DNM1L: variants seen among roughly 807,000 people sequenced by gnomAD.
The protein encoded by DNM1L is dynamin 1L.
Under a neutral mutation model 92.8 loss-of-function variants are expected in DNM1L, and 33 were observed. The observed-to-expected ratio is 0.36, with a 90% confidence interval of 0.27 to 0.48. DNM1L has a LOEUF of 0.48. Among genes scored for constraint, DNM1L ranks in the 20% least tolerant of loss-of-function variants. DNM1L has a pLI of 0.99. For missense variants in DNM1L, 485 were observed against 888.8 expected (o/e 0.55, Z 5.78); for synonymous variants, 284 against 305.0 (o/e 0.93, Z 0.72).
At chr12:32,729,581 C>CT (rs1218292081) in intron 9 of DNM1L, among the ~76,000 whole-genome samples, 5 of 152,122 alleles carry the variant, frequency 3.3e-5, no homozygotes, top group Non-Finnish European at 7.3e-5. Flanking sequence ...TCCTGAGTAG[C>CT]TGGGACTACA....
chr12:32,728,638 T>C (rs565711463), intron 9 of DNM1L: 1 of 152,306 alleles, frequency 6.6e-6, no homozygotes, highest in Non-Finnish European at 1.5e-5. Flanking sequence ...TGAATTGGGC[T>C]CTGAATAGAA....
rs140960064 is a variant in DNM1L at position 32,732,756 on chromosome 12, C to T, written c.1446+813C>T. On this transcript the variant is annotated intron_variant, in intron 12 of 19. Coordinates refer to ENST00000549701, the MANE Select transcript of DNM1L (RefSeq NM_012062.5). ...TGGACTGATAAGTGCTGTTCTGATA[C>T]CTGAGATTTGTTAGGACAGCACATA... 2.8e-3 allele frequency: 969 copies of T among 344,272 alleles called. 16 individuals are homozygous for T. The highest frequency in any genetic ancestry group is 5.1e-3 in the Middle Eastern group (12 of 2,354). 21.3% of individuals were successfully genotyped at this position (344,272 alleles called of 1,614,324 possible).
intron 19 of DNM1L, 29 bp from the exon 20 acceptor site, chr12:32,743,324 GC>G: frequency 5.6e-6 from 9 of 1,599,336 alleles, no homozygotes; most frequent in Non-Finnish European, 7.7e-6. Flanking sequence ...TTTATAATAA[GC>G]ATTTAAAATT....
intron 2 of DNM1L, chr12:32,706,200 A>G (rs1015538339): frequency 3.9e-5 from 8 of 204,258 alleles, no homozygotes; most frequent in African/African-American, 1.4e-4. Context: ...CAGTCCTCCA[A>G]TGAGACTTCT....
At chr12:32,719,416 G>A (rs1326932413) in intron 7 of DNM1L, among the ~76,000 whole-genome samples, 1 of 152,220 alleles carries the variant, frequency 6.6e-6, no homozygotes, top group Non-Finnish European at 1.5e-5. Flanking sequence ...TCGAGAAAGA[G>A]TTTAAGGTGG....
chr12:32,708,591 G>A (rs1325718205), intron 4 of DNM1L, among the ~76,000 whole-genome samples: 1 of 151,840 alleles, frequency 6.6e-6, no homozygotes, highest in Non-Finnish European at 1.5e-5. Context: ...AGGAAGCATT[G>A]TTTCACTTAT....
At position 32,730,478 on chromosome 12, in the gene DNM1L, G is replaced by A. The variant is rs548724278; in HGVS notation, c.1080-536G>A. Among the ~76,000 whole-genome samples the A allele has an allele frequency of 1.2e-4, 18 of 152,362 alleles. 1 individual carries two copies. The South Asian group carries it at 2.5e-3, about 21-fold the overall frequency. On this transcript the variant is annotated intron_variant, in intron 9 of 19. Coordinates refer to ENST00000549701, the MANE Select transcript of DNM1L (RefSeq NM_012062.5). ...AGCACTTTGGGAGGTCAAGGCGGGCGGATCACTTGAGGTCAGGAGTTTGAG... is the reference window on the plus strand; with the variant it reads ...AGCACTTTGGGAGGTCAAGGCGGGCAGATCACTTGAGGTCAGGAGTTTGAG...
chr12:32,696,785 C>T (rs1037925960), intron 1 of DNM1L, among the ~76,000 whole-genome samples: 24 of 151,046 alleles, frequency 1.6e-4, no homozygotes, highest in East Asian at 2.0e-4. Context: ...CCACCACGCC[C>T]GGCTAATTTT....
intron 18 of DNM1L, among the ~76,000 whole-genome samples, chr12:32,741,281 C>G (rs10844332): frequency 0.14 from 21,514 of 152,194 alleles, 1,573 homozygotes; most frequent in Middle Eastern, 0.18. Context: ...TCCTTGCCCC[C>G]ATCCTCTGCA....
intron 4 of DNM1L, among the ~76,000 whole-genome samples, chr12:32,710,517 G>A (rs1324020249): frequency 1.3e-5 from 2 of 151,906 alleles, no homozygotes; most frequent in African/African-American, 2.4e-5. Flanking sequence ...CTACTCAGGA[G>A]GCTAAGGCAA....
At chr12:32,716,816 TTG>T (rs1953403465) in intron 6 of DNM1L, among the ~76,000 whole-genome samples, 1 of 146,336 alleles carries the variant, frequency 6.8e-6, no homozygotes. Flanking sequence ...AATATGTGAG[TTG>T]TTTCTAGTTT....
In DNM1L at chr12:32,679,331, C is replaced by T. The variant is rs1204906916; in HGVS notation, c.-33C>T. 1.4e-6 allele frequency: 2 copies of T among 1,476,308 alleles called. No individual in the cohort carries two copies. Among genetic ancestry groups the T allele is most frequent in the East Asian group, 2.3e-5 (1 of 44,126 alleles). The allele number at this position is 1,476,308 out of a possible 1,614,324, so 91.5% of individuals were successfully genotyped here. A position where few individuals can be genotyped will look rare whatever the true frequency, so the allele number is the denominator to read the frequency against. ...CCCCGGCCCCATTCATTGCCGTGGC[C>T]GGCGGGCACTGGGGCCCCGTGTTTT... On this transcript the variant is annotated 5_prime_UTR_variant, in exon 1 of 20. Coordinates refer to ENST00000549701, the MANE Select transcript of DNM1L (RefSeq NM_012062.5).
chr12:32,695,188 A>G (rs1384498170), intron 1 of DNM1L, among the ~76,000 whole-genome samples: 5 of 152,216 alleles, frequency 3.3e-5, no homozygotes, highest in Non-Finnish European at 7.3e-5. Flanking sequence ...AAACAACAAG[A>G]GGGATTTTTA....
chr12:32,697,144 G>A (rs1014369200), intron 1 of DNM1L, among the ~76,000 whole-genome samples: 4 of 151,830 alleles, frequency 2.6e-5, no homozygotes, highest in Non-Finnish European at 2.9e-5. Flanking sequence ...CAAGAGAGTC[G>A]CTTGAACCAG....
intron 1 of DNM1L, among the ~76,000 whole-genome samples, chr12:32,684,549 C>G (rs951959811): frequency 6.6e-6 from 1 of 151,980 alleles, no homozygotes; most frequent in Non-Finnish European, 1.5e-5. Flanking sequence ...ACAATCTCAG[C>G]TCACTGCAAC....
At chr12:32,719,858 T>A (rs10844315) in intron 7 of DNM1L, among the ~76,000 whole-genome samples, 21,513 of 152,148 alleles carry the variant, frequency 0.14, 1,563 homozygotes, top group Middle Eastern at 0.19. Context: ...AGGTTATACA[T>A]TTAACCAAAA....
Position 32,720,781 on chromosome 12 carries a change from T to C in DNM1L, c.858T>C (p.Ala286=), listed in dbSNP as rs1953766251. ...LANRNGTKYL[A]RTLNRLLMHH... is the part of the protein sequence containing the mutation. ...ATAGAAATGGAACAAAGTATCTTGC[T>C]AGGACTCTAAACAGGTAATTTTTTT... Residue 286 remains alanine (A), a synonymous_variant, in exon 8 of 20, where the codon GCT becomes GCC. Coordinates refer to ENST00000549701, the MANE Select transcript of DNM1L (RefSeq NM_012062.5). The C allele has an allele frequency of 5.0e-6, 8 of 1,613,476 alleles. No homozygotes were observed. The highest frequency in any genetic ancestry group is 1.1e-5 in the South Asian group (1 of 91,050).
intron 13 of DNM1L, among the ~76,000 whole-genome samples, chr12:32,736,391 T>C (rs1446696702): frequency 6.6e-6 from 1 of 152,178 alleles, no homozygotes; most frequent in Non-Finnish European, 1.5e-5. Flanking sequence ...ATCTTTTACC[T>C]ATCTTGGTGC....
intron 6 of DNM1L, 97 bp from the exon 7 acceptor site, chr12:32,718,546 T>C: frequency 6.7e-7 from 1 of 1,492,232 alleles, no homozygotes; most frequent in Non-Finnish European, 9.3e-7. Context: ...TAAGTGGGAT[T>C]GTAGATGAGG....
Sources: allele counts gnomAD v4.1 joint callset (sites outside exome capture counted in the v4.1 genomes callset), GRCh38; gene constraint gnomAD v4.1.1; transcripts MANE v1.5; gene names NCBI Gene and HGNC (gene_info 2026-07-23, HGNC 2026-07-21).